Variants in CCSER1 observed in about 807,000 individuals in gnomAD.
The protein encoded by CCSER1 is serine-rich coiled-coil domain-containing protein 1.
Under a neutral mutation model 82.0 loss-of-function variants are expected in CCSER1, and 41 were observed. The ratio of observed to expected loss-of-function variants is 0.50; its 90% CI spans 0.39 to 0.65. The LOEUF (loss-of-function observed/expected upper bound fraction) is 0.65. Among genes scored for constraint, CCSER1 ranks in the 30% least tolerant of loss-of-function variants. The probability of loss-of-function intolerance (pLI) is 0.00; values close to 1 mark genes in which losing one functional copy is unlikely to be tolerated. For synonymous variants in CCSER1, 414 were observed against 383.9 expected, an observed-to-expected ratio of 1.08 and a Z score of -0.92; for missense variants, 1,119 against 1,064.2, an observed-to-expected ratio of 1.05 and a Z score of -0.72.
intron 5 of CCSER1, among the ~76,000 whole-genome samples, chr4:90,587,420 G>A (rs1282879134): frequency 2.6e-5 from 4 of 152,138 alleles, no homozygotes; most frequent in East Asian, 1.9e-4. Flanking sequence ...GTCCAATCAG[G>A]TCAACCTGGT....
chr4:91,515,306 G>T (rs1922224), intron 10 of CCSER1, among the ~76,000 whole-genome samples: 5 of 151,856 alleles, frequency 3.3e-5, no homozygotes, highest in Admixed American at 3.3e-4. Flanking sequence ...TCATCACGCA[G>T]GTATGAGGCA....
intron 3 of CCSER1, among the ~76,000 whole-genome samples, chr4:90,379,678 A>G (rs1370076239): frequency 6.6e-6 from 1 of 152,184 alleles, no homozygotes; most frequent in Non-Finnish European, 1.5e-5. Flanking sequence ...AGAAATGGCA[A>G]TTTAACTTCT....
At chr4:90,771,173 TA>T (rs1752100025) in intron 7 of CCSER1, among the ~76,000 whole-genome samples, 1 of 152,144 alleles carries the variant, frequency 6.6e-6, no homozygotes, top group Non-Finnish European at 1.5e-5. Context: ...AATATTTACA[TA>T]AATTATCATA....
intron 6 of CCSER1, among the ~76,000 whole-genome samples, chr4:90,702,187 CT>C (rs1738294675): frequency 6.6e-6 from 1 of 152,060 alleles, no homozygotes; most frequent in Admixed American, 6.6e-5. Flanking sequence ...GCATGAAGGG[CT>C]GTTGAATTTT....
At chr4:90,177,175 C>T (rs115035281) in intron 1 of CCSER1, among the ~76,000 whole-genome samples, 3,678 of 152,018 alleles carry the variant, frequency 0.024, 139 homozygotes, top group African/African-American at 0.082. Flanking sequence ...GCATGATGTG[C>T]GCAACTATCA....
intron 8 of CCSER1, among the ~76,000 whole-genome samples, chr4:90,867,028 G>A (rs907296522): frequency 1.3e-5 from 2 of 152,006 alleles, no homozygotes; most frequent in Non-Finnish European, 2.9e-5. Context: ...ACAGGTCAGT[G>A]GCCTGGGGAT....
At chr4:91,047,868 TTAAAG>T (rs1458711404) in intron 9 of CCSER1, among the ~76,000 whole-genome samples, 10 of 152,168 alleles carry the variant, frequency 6.6e-5, no homozygotes, top group Non-Finnish European at 1.3e-4. Flanking sequence ...TTAAAGTTTC[TTAAAG>T]TAATGTATGA....
chr4:90,489,711 C>T (rs1029210054), intron 5 of CCSER1, among the ~76,000 whole-genome samples: 14 of 152,130 alleles, frequency 9.2e-5, no homozygotes, highest in Non-Finnish European at 2.9e-5. Flanking sequence ...GTGATGTTCC[C>T]CTTCCTGTGT....
At chr4:90,887,218 A>C (rs1722260828) in intron 8 of CCSER1, among the ~76,000 whole-genome samples, 1 of 152,152 alleles carries the variant, frequency 6.6e-6, no homozygotes, top group Non-Finnish European at 1.5e-5. Context: ...TGAGGATACT[A>C]CCAGTAGGGA....
chr4:90,230,933 A>G (rs937916766), intron 1 of CCSER1, among the ~76,000 whole-genome samples: 2 of 152,184 alleles, frequency 1.3e-5, no homozygotes, highest in South Asian at 2.1e-4. Context: ...AAGAAGTTGA[A>G]TCTCTGAATA....
At chr4:90,344,519 A>G (rs907030438) in intron 3 of CCSER1, among the ~76,000 whole-genome samples, 1 of 152,060 alleles carries the variant, frequency 6.6e-6, no homozygotes, top group African/African-American at 2.4e-5. Context: ...ATACCAATAA[A>G]CCCAATAGAT....
chr4:90,372,830 A>G (rs1747675406), intron 3 of CCSER1, among the ~76,000 whole-genome samples: 1 of 152,036 alleles, frequency 6.6e-6, no homozygotes, highest in East Asian at 1.9e-4. Flanking sequence ...CTGGGAATCA[A>G]TCTCTCATTT....
chr4:91,555,451 A>G (rs1481140201), intron 10 of CCSER1, among the ~76,000 whole-genome samples: 1 of 151,046 alleles, frequency 6.6e-6, no homozygotes, highest in Non-Finnish European at 1.5e-5. Flanking sequence ...TTAAAGCCCA[A>G]TGCCCGGCAC....
intron 9 of CCSER1, among the ~76,000 whole-genome samples, chr4:90,933,398 A>G (rs1413436543): frequency 6.6e-6 from 1 of 151,754 alleles, no homozygotes; most frequent in Non-Finnish European, 1.5e-5. Context: ...CGTGTTAGCC[A>G]GGATGGTCTC....
chr4:91,484,188 A>G (rs1299910510), intron 10 of CCSER1, among the ~76,000 whole-genome samples: 1 of 152,058 alleles, frequency 6.6e-6, no homozygotes, highest in Non-Finnish European at 1.5e-5. Context: ...AGCATTTTGT[A>G]TGGCATTTTG....
At chr4:90,369,719 A>C (rs1338996113) in intron 3 of CCSER1, among the ~76,000 whole-genome samples, 2 of 152,002 alleles carry the variant, frequency 1.3e-5, no homozygotes, top group African/African-American at 4.8e-5. Context: ...AAAATTGTTA[A>C]CATTACTTAA....
At chr4:91,467,407 A>T (rs1011971985) in intron 10 of CCSER1, among the ~76,000 whole-genome samples, 1 of 152,238 alleles carries the variant, frequency 6.6e-6, no homozygotes, top group Non-Finnish European at 1.5e-5. Context: ...TCTAGAAGAA[A>T]TCCTAGGCAA....
At chr4:90,946,299 C>T (rs1403075117) in intron 9 of CCSER1, among the ~76,000 whole-genome samples, 1 of 152,062 alleles carries the variant, frequency 6.6e-6, no homozygotes, top group Non-Finnish European at 1.5e-5. Flanking sequence ...ATCTTAAAAA[C>T]AACAGCAAAC....
At chr4:90,478,421 T>A (rs139574115) in intron 5 of CCSER1, among the ~76,000 whole-genome samples, 2 of 152,180 alleles carry the variant, frequency 1.3e-5, no homozygotes, top group Non-Finnish European at 2.9e-5. Flanking sequence ...AAATATTGTG[T>A]GTGTAGGATG....
Sources: gnomAD v4.1 joint callset for allele counts (sites outside exome capture counted in the v4.1 genomes callset) on GRCh38, gnomAD v4.1.1 for gene constraint, MANE v1.5 for transcripts, NCBI Gene and HGNC (gene_info 2026-07-23, HGNC 2026-07-21) for gene names.